Variants in ZNF407 observed in about 807,000 individuals in gnomAD.
ZNF407 encodes the protein zinc finger protein 407.
In ZNF407, 17 loss-of-function variants were observed where a neutral mutation model predicts 131.2. The observed-to-expected ratio is 0.13, with a 90% CI of 0.09 to 0.19. ZNF407 has a LOEUF of 0.19. Ranked by LOEUF, ZNF407 falls within the 10% of genes least tolerant of loss-of-function variation. The pLI is 1.00. For missense variants in ZNF407, 2,681 were observed against 2,830.6 expected (o/e 0.95, Z 1.20); for synonymous variants, 1,156 against 1,062.0 (o/e 1.09, Z -1.72).
Position 74,634,412 on chromosome 18 carries a change from T to G in ZNF407, c.3393T>G (p.Asn1131Lys). Residue 1131 changes from asparagine to lysine, a missense_variant, in exon 2 of 9, where the codon AAT becomes AAG. Asn to Lys is a moderately conservative substitution (Grantham distance 94). This residue lies in a region of ZNF407 where 1,789 missense variants were observed against 1,748.7 expected (regional missense o/e 1.02). Transcript: ENST00000299687. ...SRNAADCSIL[N>K]ENTNLDMSKV... Reference sequence around the variant, plus strand: ...ATGCTGCAGATTGCTCTATTTTAAATGAGAATACTAATTTAGATATGTCTA... The same window carrying G: ...ATGCTGCAGATTGCTCTATTTTAAAGGAGAATACTAATTTAGATATGTCTA... 6.2e-7 allele frequency: 1 copy of G among 1,613,590 alleles called. No homozygotes were observed. Among genetic ancestry groups the G allele is most frequent in the Non-Finnish European group, 8.5e-7 (1 of 1,179,862 alleles).
At chr18:75,058,341 G>T (rs1269554463) in intron 8 of ZNF407, among the ~76,000 whole-genome samples, 20 of 152,140 alleles carry the variant, frequency 1.3e-4, no homozygotes, top group Admixed American at 1.3e-3. Flanking sequence ...AATGCATTCG[G>T]CTCTGAGAAG....
intron 1 of ZNF407, among the ~76,000 whole-genome samples, chr18:74,623,046 ATGAG>A (rs1983608306): frequency 1.0e-4 from 10 of 95,996 alleles, no homozygotes; most frequent in South Asian, 4.1e-4. Context: ...GTGTGTGTGA[ATGAG>A]TGCATGTGAG....
intron 5 of ZNF407, among the ~76,000 whole-genome samples, chr18:74,879,043 A>G (rs1283524560): frequency 6.6e-6 from 1 of 152,202 alleles, no homozygotes; most frequent in African/African-American, 2.4e-5. Context: ...TTGAGAATCA[A>G]CTCACATAGA....
chr18:74,824,346 A>T (rs927413221), intron 4 of ZNF407, among the ~76,000 whole-genome samples: 1 of 152,216 alleles, frequency 6.6e-6, no homozygotes, highest in Non-Finnish European at 1.5e-5. Flanking sequence ...AGCGGAAGAC[A>T]AGAAATAACT....
chr18:74,965,191 A>G (rs949242338), intron 8 of ZNF407, among the ~76,000 whole-genome samples: 2 of 152,152 alleles, frequency 1.3e-5, no homozygotes, highest in Non-Finnish European at 2.9e-5. Flanking sequence ...TAAAATGTAC[A>G]ATTAAATTAT....
At chr18:74,977,481 A>G (rs768485758) in intron 8 of ZNF407, among the ~76,000 whole-genome samples, 12 of 152,214 alleles carry the variant, frequency 7.9e-5, no homozygotes, top group Non-Finnish European at 1.2e-4. Flanking sequence ...TTAGTAGCCT[A>G]TCTCACACAC....
At chr18:74,816,039 A>G (rs182523681) in intron 4 of ZNF407, among the ~76,000 whole-genome samples, 80 of 152,248 alleles carry the variant, frequency 5.3e-4, no homozygotes, top group Middle Eastern at 3.4e-3. Context: ...TGGGATATGA[A>G]TATTATTATG....
chr18:74,737,431 T>C lies in ZNF407; in HGVS notation c.4803-43997T>C, dbSNP rs566789706. ...GCTAAAAGCTAAACTAATCAATACA[T>C]AATTACACATTTATATGTACATATG... On this transcript the variant is annotated intron_variant, in intron 3 of 8. Transcript: ENST00000299687. 3.9e-5 allele frequency among the ~76,000 whole-genome samples: 6 copies of C among 152,384 alleles called. No individual in the cohort carries two copies. In the East Asian group the frequency reaches 1.2e-3, roughly 29 times the overall value.
At chr18:74,860,513 A>AT (rs1195252694) in intron 4 of ZNF407, among the ~76,000 whole-genome samples, 7 of 150,302 alleles carry the variant, frequency 4.7e-5, no homozygotes, top group South Asian at 2.1e-4. Flanking sequence ...TATTATTATT[A>AT]TGTCTTAGAC....
intron 7 of ZNF407, among the ~76,000 whole-genome samples, chr18:74,911,911 G>A (rs1012097075): frequency 3.9e-5 from 6 of 152,142 alleles, no homozygotes; most frequent in Non-Finnish European, 8.8e-5. Flanking sequence ...GAATGAGAAT[G>A]CTCTTTGGGC....
chr18:74,737,686 C>T (rs1466488615), intron 3 of ZNF407, among the ~76,000 whole-genome samples: 1 of 152,128 alleles, frequency 6.6e-6, no homozygotes, highest in Non-Finnish European at 1.5e-5. Context: ...TGTGTATATG[C>T]ACATGTGTGT....
intron 8 of ZNF407, among the ~76,000 whole-genome samples, chr18:75,034,878 T>C (rs1201246178): frequency 3.3e-5 from 5 of 152,204 alleles, no homozygotes; most frequent in South Asian, 2.1e-4. Flanking sequence ...GTATACACTT[T>C]AGATTCCTCG....
At chr18:74,984,586 G>T (rs190581872) in intron 8 of ZNF407, among the ~76,000 whole-genome samples, 10 of 152,192 alleles carry the variant, frequency 6.6e-5, no homozygotes, top group African/African-American at 2.4e-4. Context: ...TGTGTTACCT[G>T]CTCAACATCC....
intron 4 of ZNF407, among the ~76,000 whole-genome samples, chr18:74,789,529 GAA>G (rs1969784770): frequency 2.6e-5 from 4 of 152,284 alleles, no homozygotes; most frequent in Admixed American, 6.5e-5. Context: ...GAATCCAGCT[GAA>G]CAGGCTGTGG....
chr18:74,633,537 A>G lies in ZNF407; in HGVS notation c.2518A>G (p.Lys840Glu). 6.2e-7 allele frequency: 1 copy of G among 1,614,032 alleles called. No homozygotes were observed. Among genetic ancestry groups the G allele is most frequent in the Non-Finnish European group, 8.5e-7 (1 of 1,179,892 alleles). The part of the protein sequence containing the change: ...DDELASTTTP[K>E]RGRPKGNISR... Reference sequence around the variant, plus strand: ...TGAATTAGCTTCAACCACTACTCCAAAGAGAGGGAGACCTAAAGGTAACAT... The same window carrying G: ...TGAATTAGCTTCAACCACTACTCCAGAGAGAGGGAGACCTAAAGGTAACAT... The change falls in exon 2 of 9, where the codon AAG becomes GAG. Residue 840 changes from lysine (K) to glutamate (E), a missense_variant. Lys to Glu is a moderately conservative substitution (Grantham distance 56). Transcript: ENST00000299687.
intron 8 of ZNF407, among the ~76,000 whole-genome samples, chr18:74,987,468 T>A (rs1279350541): frequency 6.6e-6 from 1 of 152,180 alleles, no homozygotes; most frequent in Non-Finnish European, 1.5e-5. Context: ...GAATGTGTGT[T>A]GAGAAAAGAG....
chr18:74,835,842 G>A (rs141810121), intron 4 of ZNF407, among the ~76,000 whole-genome samples: 80 of 152,264 alleles, frequency 5.3e-4, no homozygotes, highest in East Asian at 4.8e-3. Flanking sequence ...CCTTCAGGAA[G>A]CTGACATTCT....
At chr18:75,032,022 A>G (rs527728815) in intron 8 of ZNF407, among the ~76,000 whole-genome samples, 4 of 152,182 alleles carry the variant, frequency 2.6e-5, no homozygotes, top group Non-Finnish European at 5.9e-5. Context: ...GAGTGTTTAC[A>G]TAGTTTAGGG....
intron 1 of ZNF407, among the ~76,000 whole-genome samples, chr18:74,623,551 A>T (rs560352406): frequency 6.6e-6 from 1 of 152,228 alleles, no homozygotes; most frequent in African/African-American, 2.4e-5. Context: ...AAATGGTTTC[A>T]TTTGACTGAA....
Sources: allele counts gnomAD v4.1 joint callset (sites outside exome capture counted in the v4.1 genomes callset), GRCh38; gene constraint gnomAD v4.1.1; regional missense constraint gnomAD v4.1.1; transcripts MANE v1.5; gene names NCBI Gene and HGNC (gene_info 2026-07-23, HGNC 2026-07-21).